Variants in GNB4 observed in about 807,000 individuals in gnomAD.
GNB4 encodes G protein subunit beta 4.
A neutral mutation model predicts 45.2 loss-of-function variants in GNB4; 28 were observed. The observed-to-expected ratio is 0.62, with a 90% CI of 0.46 to 0.85. The LOEUF (loss-of-function observed/expected upper bound fraction) is 0.85, where lower values mean the gene tolerates loss of function less well. Among genes scored for constraint, GNB4 ranks in the 40% least tolerant of loss-of-function variants. The pLI is 0.00. For synonymous variants in GNB4, 132 were observed against 143.7 expected, an observed-to-expected ratio of 0.92 and a Z score of 0.58; for missense variants, 321 against 425.4, an observed-to-expected ratio of 0.75 and a Z score of 2.16.
At chr3:179,494,206 C>G in the GNB4 span, among the ~76,000 whole-genome samples, 2 of 151,362 alleles carry the variant, frequency 1.3e-5, no homozygotes, top group African/African-American at 2.4e-5. Flanking sequence ...GTGTAACAAG[C>G]ATACAATAAA....
rs1715871002 is a variant in GNB4 at position 179,451,421 on chromosome 3, A to G, written c.-118T>C. ...GCGCTCAGCAGCCCCTGGAGCGCGGAGCCGGCGTGGAGAGCGCAGCTCACA... is the reference window on the plus strand; with the variant it reads ...GCGCTCAGCAGCCCCTGGAGCGCGGGGCCGGCGTGGAGAGCGCAGCTCACA... On this transcript the variant is annotated 5_prime_UTR_variant, in exon 1 of 10. Transcript: ENST00000232564. 1 of 151,052 alleles carries G rather than the reference A, an allele frequency of 6.6e-6. No individual in the cohort carries two copies. The highest frequency in any genetic ancestry group is 1.5e-5 in the Non-Finnish European group (1 of 67,664). 9.4% of individuals were successfully genotyped at this position (151,052 alleles called of 1,614,324 possible).
chr3:179,471,404 A>G, the GNB4 span, among the ~76,000 whole-genome samples: 1 of 152,180 alleles, frequency 6.6e-6, no homozygotes, highest in Non-Finnish European at 1.5e-5. Flanking sequence ...TTATACATGT[A>G]TACCATTTTT....
chr3:179,500,862 A>T, the GNB4 span, among the ~76,000 whole-genome samples: 7 of 152,092 alleles, frequency 4.6e-5, no homozygotes, highest in Admixed American at 1.3e-4. Flanking sequence ...ATGGGAGTTC[A>T]CTCATGATTT....
Position 179,401,317 on chromosome 3 carries a change from C to A in GNB4, c.919G>T (p.Val307Phe). Reference sequence around the variant, plus strand: ...ACACGGTTGTCATGACCAGCAAGGACACCTGAAAAAAAAATTCAGTAAAAA... The same window carrying A: ...ACACGGTTGTCATGACCAGCAAGGAAACCTGAAAAAAAAATTCAGTAAAAA... Reference protein sequence around the residue: ...WDTLKGDRAGVLAGHDNRVSC... With the variant: ...WDTLKGDRAGFLAGHDNRVSC... Residue 307 changes from valine to phenylalanine, a missense_variant and splice_region_variant, in exon 10 of 10, where the codon GTC (valine) becomes TTC (phenylalanine). Val to Phe is a conservative substitution (Grantham distance 50, BLOSUM62 -1). Coordinates refer to ENST00000232564, the MANE Select transcript of GNB4 (RefSeq NM_021629.4). 3 of 1,600,932 alleles carry A rather than the reference C, an allele frequency of 1.9e-6. No homozygotes were observed. Among genetic ancestry groups the A allele is most frequent in the Admixed American group, 1.7e-5 (1 of 57,978 alleles).
At chr3:179,471,197 G>GGT in the GNB4 span, among the ~76,000 whole-genome samples, 1 of 89,446 alleles carries the variant, frequency 1.1e-5, no homozygotes, top group African/African-American at 4.5e-5. Flanking sequence ...AAAAAAAAAA[G>GGT]TATCAGCAAG....
At chr3:179,420,796 T>C (rs1168797061) in intron 3 of GNB4, 93 bp downstream of exon 3, 2 of 784,694 alleles carry the variant, frequency 2.5e-6, no homozygotes, top group Non-Finnish European at 2.2e-6. Flanking sequence ...TTTTTTCAAT[T>C]AAGCACTAAT....
At chr3:179,511,484 G>A in the GNB4 span, among the ~76,000 whole-genome samples, 5 of 152,124 alleles carry the variant, frequency 3.3e-5, no homozygotes, top group South Asian at 4.1e-4. Context: ...CCCAAATCAC[G>A]TGGATTTTCA....
chr3:179,511,616 C>T, the GNB4 span, among the ~76,000 whole-genome samples: 1 of 152,006 alleles, frequency 6.6e-6, no homozygotes, highest in Non-Finnish European at 1.5e-5. Flanking sequence ...CCTCAGTCTC[C>T]TTATCTAGAA....
At chr3:179,469,612 A>T in the GNB4 span, among the ~76,000 whole-genome samples, 1 of 152,210 alleles carries the variant, frequency 6.6e-6, no homozygotes, top group Non-Finnish European at 1.5e-5. Context: ...AAATAGCAAT[A>T]GTAAAAAAAA....
intron 8 of GNB4, among the ~76,000 whole-genome samples, chr3:179,411,509 T>C (rs929914234): frequency 6.6e-6 from 1 of 150,864 alleles, no homozygotes. Flanking sequence ...ACACACCATT[T>C]TAAGTGGCTG....
chr3:179,502,237 T>G, the GNB4 span, among the ~76,000 whole-genome samples: 2 of 141,878 alleles, frequency 1.4e-5, no homozygotes, highest in African/African-American at 2.6e-5. Flanking sequence ...TCTTTTTTTT[T>G]TTTTTTTTTT....
the GNB4 span, among the ~76,000 whole-genome samples, chr3:179,468,035 A>AAAAATAT: frequency 4.0e-4 from 36 of 89,748 alleles, no homozygotes; most frequent in East Asian, 1.3e-3. Context: ...TGTTGATAAA[A>AAAAATAT]ATATATATAT....
At chr3:179,452,619 T>C (rs757295483), upstream of GNB4, among the ~76,000 whole-genome samples, 7 of 152,164 alleles carry the variant, frequency 4.6e-5, no homozygotes, top group Non-Finnish European at 1.0e-4. Context: ...CACACCCTGT[T>C]TGTGACTGTG....
Position 179,437,480 on chromosome 3 carries a change from G to A in GNB4, c.-42-11238C>T, listed in dbSNP as rs563496019. 2.6e-4 allele frequency among the ~76,000 whole-genome samples: 39 copies of A among 152,042 alleles called. No homozygotes were observed. In the South Asian group the frequency reaches 7.1e-3, roughly 28 times the overall value. ...CTTGGGAAGCTGAGGCATAAGAATC[G>A]CTTGAACATGGGAGGCGTAGGTTGC... On this transcript the variant is annotated intron_variant, in intron 1 of 9. Coordinates refer to ENST00000232564, the MANE Select transcript of GNB4 (RefSeq NM_021629.4).
At chr3:179,462,222 A>G in the GNB4 span, among the ~76,000 whole-genome samples, 1 of 152,128 alleles carries the variant, frequency 6.6e-6, no homozygotes, top group African/African-American at 2.4e-5. Context: ...AGTGTCTCAT[A>G]CAGAGACCAA....
At chr3:179,523,972 A>C in the GNB4 span, among the ~76,000 whole-genome samples, 1 of 152,216 alleles carries the variant, frequency 6.6e-6, no homozygotes, top group Admixed American at 6.5e-5. Context: ...CCAAGTTGGC[A>C]TCAGAGTTGG....
At chr3:179,440,678 T>C (rs1267235882) in intron 1 of GNB4, among the ~76,000 whole-genome samples, 2 of 152,148 alleles carry the variant, frequency 1.3e-5, no homozygotes, top group East Asian at 1.9e-4. Context: ...GGTTATGACA[T>C]TGAACAGGAT....
the GNB4 span, among the ~76,000 whole-genome samples, chr3:179,467,327 G>A: frequency 1.3e-5 from 2 of 152,170 alleles, no homozygotes; most frequent in Non-Finnish European, 2.9e-5. Flanking sequence ...TTATACTTAG[G>A]CATAGGAGAT....
At chr3:179,522,490 C>T in the GNB4 span, among the ~76,000 whole-genome samples, 157 of 143,398 alleles carry the variant, frequency 1.1e-3, no homozygotes, top group Admixed American at 3.5e-3. Flanking sequence ...TGAAAGAAGG[C>T]ATATTTACAG....
Sources: allele counts gnomAD v4.1 joint callset (sites outside exome capture counted in the v4.1 genomes callset), GRCh38; gene constraint gnomAD v4.1.1; transcripts MANE v1.5; gene names NCBI Gene and HGNC (gene_info 2026-07-23, HGNC 2026-07-21).